The following USP28 variants were observed in gnomAD, a reference collection of about 807,000 sequenced individuals.
USP28 encodes the protein ubiquitin carboxyl-terminal hydrolase 28.
USP28 carries 113 observed loss-of-function variants against 145.0 expected under a neutral mutation model. That is an observed-to-expected ratio of 0.78 (90% CI 0.67 to 0.91). The LOEUF (loss-of-function observed/expected upper bound fraction) is 0.91, where lower values mean the gene tolerates loss of function less well. Ranked by LOEUF, USP28 falls within the 40% of genes least tolerant of loss-of-function variation. The pLI is 0.00. For synonymous variants in USP28, 447 were observed against 450.9 expected, an observed-to-expected ratio of 0.99 and a Z score of 0.11; for missense variants, 1,201 against 1,289.6, an observed-to-expected ratio of 0.93 and a Z score of 1.05.
chr11:113,841,907 G>T, intron 3 of USP28, 139 bp from the exon 4 acceptor site: 1 of 475,278 alleles, frequency 2.1e-6, no homozygotes. Flanking sequence ...TTACCCTACT[G>T]CATAGTCAAA....
At chr11:113,873,782 G>A (rs562920986) in intron 1 of USP28, among the ~76,000 whole-genome samples, 14 of 152,188 alleles carry the variant, frequency 9.2e-5, no homozygotes, top group Non-Finnish European at 1.6e-4. Flanking sequence ...TCCATTAGAA[G>A]TCAGTGCATG....
At chr11:113,818,159 T>G (rs568483323) in intron 12 of USP28, 55 of 174,722 alleles carry the variant, frequency 3.1e-4, no homozygotes, top group Non-Finnish European at 5.6e-4. Flanking sequence ...ATTTTTTGGT[T>G]TTTTTTTTTT....
intron 13 of USP28, 116 bp downstream of exon 13, chr11:113,817,542 A>C: frequency 8.3e-7 from 1 of 1,210,372 alleles, no homozygotes; most frequent in African/African-American, 1.5e-5. Context: ...TAAGACAAAG[A>C]GCTCACAGCT....
chr11:113,834,213 AAAC>A, intron 6 of USP28, 33 bp downstream of exon 6: 1 of 1,544,714 alleles, frequency 6.5e-7, no homozygotes, highest in Non-Finnish European at 8.9e-7. Flanking sequence ...GAAAGGGACT[AAAC>A]AACAGTGAAG....
chr11:113,812,969 G>GT (rs1471443543), intron 15 of USP28, among the ~76,000 whole-genome samples: 1 of 152,168 alleles, frequency 6.6e-6, no homozygotes, highest in Admixed American at 6.5e-5. Context: ...TTAGAGTTAA[G>GT]TGACCACTTA....
chr11:113,802,698 A>G (rs77585990), intron 23 of USP28, among the ~76,000 whole-genome samples: 1 of 152,152 alleles, frequency 6.6e-6, no homozygotes, highest in Non-Finnish European at 1.5e-5. Context: ...CCTTTATTTT[A>G]AAAAAATGGA....
chr11:113,799,597 C>T (rs1354066365), intron 24 of USP28, among the ~76,000 whole-genome samples, 182 bp from the exon 26 acceptor site: 3 of 152,214 alleles, frequency 2.0e-5, no homozygotes, highest in African/African-American at 7.2e-5. Flanking sequence ...CAAACTTTAG[C>T]TCACTGCTAT....
chr11:113,823,802 G>A (rs1413258044), intron 11 of USP28, 102 bp from the exon 12 acceptor site: 1 of 875,750 alleles, frequency 1.1e-6, no homozygotes. Context: ...ATCAGATATA[G>A]GGCATCTATA....
At chr11:113,803,163 G>A (rs1446298452) in exon 23 of USP28, 2 of 1,613,622 alleles carry the variant, frequency 1.2e-6, no homozygotes, top group East Asian at 2.2e-5. Flanking sequence ...CAAACCAGAA[G>A]GCATTTTCTT....
At chr11:113,838,564 C>T (rs755355667) in intron 5 of USP28, among the ~76,000 whole-genome samples, 2 of 152,206 alleles carry the variant, frequency 1.3e-5, no homozygotes, top group Non-Finnish European at 2.9e-5. Flanking sequence ...TGCTTATTTG[C>T]TGTTCCTTGT....
In USP28 at chr11:113,854,357, A is replaced by C. The variant is rs768482959; in HGVS notation, c.58-22T>G. The C allele has an allele frequency of 6.9e-6, 11 of 1,603,678 alleles. No individual in the cohort carries two copies. In the South Asian group the frequency reaches 1.0e-4, roughly 15 times the overall value. ...AGCTCTATATTTGCAAAACAAAAAAACCACAAACATGTCAGTCAGAAAGTA... is the reference window on the plus strand; with the variant it reads ...AGCTCTATATTTGCAAAACAAAAAACCCACAAACATGTCAGTCAGAAAGTA... On this transcript the variant is annotated intron_variant, in intron 1 of 24. Coordinates refer to ENST00000003302, the Ensembl canonical transcript of USP28.
At chr11:113,805,564 T>C (rs937322975) in intron 19 of USP28, among the ~76,000 whole-genome samples, 5 of 152,178 alleles carry the variant, frequency 3.3e-5, no homozygotes, top group Non-Finnish European at 5.9e-5. Flanking sequence ...CCTACTGTAC[T>C]CTTAAGAAAT....
intron 7 of USP28, 42 bp from the exon 8 acceptor site, chr11:113,832,035 C>G: frequency 6.7e-7 from 1 of 1,500,298 alleles, no homozygotes; most frequent in Non-Finnish European, 9.3e-7. Flanking sequence ...AGATGCAATA[C>G]TAAGAGAAAT....
At chr11:113,827,203 A>G in intron 11 of USP28, 30 bp downstream of exon 11, 1 of 1,586,150 alleles carries the variant, frequency 6.3e-7, no homozygotes, top group Non-Finnish European at 8.5e-7. Context: ...GTAATACCTC[A>G]GGAAAAAAAA....
At chr11:113,805,928 AC>A (rs113407560) in intron 19 of USP28, among the ~76,000 whole-genome samples, 2 of 152,168 alleles carry the variant, frequency 1.3e-5, no homozygotes, top group African/African-American at 4.8e-5. Context: ...TTCACAGAAG[AC>A]TTTTTTTTTA....
chr11:113,825,358 C>T (rs1359285899), intron 11 of USP28, among the ~76,000 whole-genome samples: 1 of 152,156 alleles, frequency 6.6e-6, no homozygotes, highest in African/African-American at 2.4e-5. Context: ...ATTCCAAGCA[C>T]TGGCAAGGAT....
intron 10 of USP28, among the ~76,000 whole-genome samples, chr11:113,828,022 C>T (rs370178260): frequency 4.6e-5 from 7 of 152,218 alleles, no homozygotes; most frequent in East Asian, 1.9e-4. Context: ...AAGGCACTGA[C>T]ATAAAAAAGA....
rs958421812 is a variant in USP28, at chr11:113,799,449, C to T, written c.3059-34G>A. The T allele has an allele frequency of 5.0e-6, 8 of 1,589,014 alleles. No individual in the cohort carries two copies. In the African/African-American group the frequency reaches 8.3e-5, roughly 16 times the overall value. ...GGAAAACAGATGGTTACATATACAG[C>T]TAAACAGATTTCTGAGTAAAAGTGA... On this transcript the variant is annotated intron_variant, in intron 24 of 24. Transcript: ENST00000003302.
chr11:113,816,331 A>G (rs969871682), intron 13 of USP28, among the ~76,000 whole-genome samples: 1 of 152,280 alleles, frequency 6.6e-6, no homozygotes, highest in South Asian at 2.1e-4. Flanking sequence ...CCTGGCCAAC[A>G]TGGTGAAACC....
Sources: gnomAD v4.1 joint callset for allele counts (sites outside exome capture counted in the v4.1 genomes callset) on GRCh38, gnomAD v4.1.1 for gene constraint, MANE v1.5 for transcripts, NCBI Gene and HGNC (gene_info 2026-07-23, HGNC 2026-07-21) for gene names.